Variants in CBLN2 observed in about 807,000 individuals in gnomAD.
CBLN2 encodes cerebellin-2.
A neutral mutation model predicts 15.0 loss-of-function variants in CBLN2; 7 were observed. That is an observed-to-expected ratio of 0.47 (90% CI 0.27 to 0.88). CBLN2 has a LOEUF of 0.88. Among genes scored for constraint, CBLN2 ranks in the 40% least tolerant of loss-of-function variants. The pLI is 0.14. For missense variants in CBLN2, 242 were observed against 304.5 expected (o/e 0.79, Z 1.53); for synonymous variants, 149 against 135.2 (o/e 1.10, Z -0.71).
intron 1 of CBLN2, chr18:72,618,582 T>G (rs62089075): frequency 0.14 from 126,326 of 881,010 alleles, 13,862 homozygotes; most frequent in African/African-American, 0.45. Context: ...CTGTGAAAAG[T>G]ATACGTGTTG....
chr18:72,564,615 A>G (rs543796679), intron 1 of CBLN2, among the ~76,000 whole-genome samples: 1 of 152,198 alleles, frequency 6.6e-6, no homozygotes, highest in East Asian at 1.9e-4. Context: ...GATACAAAAA[A>G]GAATGGAAGA....
chr18:72,588,919 G>A (rs1290749071), intron 1 of CBLN2, among the ~76,000 whole-genome samples: 1 of 152,140 alleles, frequency 6.6e-6, no homozygotes, highest in African/African-American at 2.4e-5. Context: ...CGCGGAGATG[G>A]GACTAACGCG....
At chr18:72,629,796 C>T (rs1303666391) in intron 1 of CBLN2, among the ~76,000 whole-genome samples, 1 of 151,980 alleles carries the variant, frequency 6.6e-6, no homozygotes, top group Non-Finnish European at 1.5e-5. Flanking sequence ...ACAGAAAAGA[C>T]AATGTAAAAA....
chr18:72,578,038 G>A (rs958993604), intron 1 of CBLN2, among the ~76,000 whole-genome samples: 4 of 152,140 alleles, frequency 2.6e-5, no homozygotes, highest in East Asian at 1.9e-4. Flanking sequence ...TCAGCTCTGC[G>A]TACTCTTTGC....
chr18:72,618,592 G>C (rs1228104531), intron 1 of CBLN2: 7 of 941,374 alleles, frequency 7.4e-6, no homozygotes, highest in Non-Finnish European at 1.2e-5. Flanking sequence ...TATACGTGTT[G>C]GTGGCATTAA....
intron 1 of CBLN2, among the ~76,000 whole-genome samples, chr18:72,623,615 C>G (rs2069715490): frequency 6.6e-6 from 1 of 152,102 alleles, no homozygotes; most frequent in Admixed American, 6.6e-5. Context: ...GAAACCTCAT[C>G]ACGCTGCAGA....
chr18:72,549,197 G>A (rs1802597579), upstream of CBLN2, among the ~76,000 whole-genome samples: 4 of 151,918 alleles, frequency 2.6e-5, no homozygotes, highest in South Asian at 8.3e-4. Context: ...TTTTTAGTAG[G>A]GAAGGGGTTT....
upstream of CBLN2, among the ~76,000 whole-genome samples, chr18:72,546,798 A>G (rs907642721): frequency 6.6e-6 from 1 of 152,184 alleles, no homozygotes; most frequent in African/African-American, 2.4e-5. Flanking sequence ...AATATTAGGG[A>G]AAAATGTGGG....
At chr18:72,628,872 T>G (rs1008966266) in intron 1 of CBLN2, among the ~76,000 whole-genome samples, 1 of 152,166 alleles carries the variant, frequency 6.6e-6, no homozygotes, top group Non-Finnish European at 1.5e-5. Context: ...TTGTGACAAG[T>G]TTTTACGGAT....
chr18:72,616,274 C>T (rs181185423), intron 1 of CBLN2, among the ~76,000 whole-genome samples: 1 of 152,212 alleles, frequency 6.6e-6, no homozygotes, highest in African/African-American at 2.4e-5. Context: ...CATGTTTCCT[C>T]CCTATATGTA....
upstream of CBLN2, among the ~76,000 whole-genome samples, chr18:72,545,770 G>C (rs1333587149): frequency 1.3e-5 from 2 of 152,188 alleles, no homozygotes; most frequent in Non-Finnish European, 2.9e-5. Context: ...CTAATTTATA[G>C]CAATACCTCT....
intron 1 of CBLN2, among the ~76,000 whole-genome samples, chr18:72,558,730 T>C (rs2069241658): frequency 1.3e-5 from 2 of 152,172 alleles, no homozygotes; most frequent in Non-Finnish European, 2.9e-5. Flanking sequence ...TTTATAAATA[T>C]TTTCTATTGT....
chr18:72,553,166 CTG>C (rs1170565388), intron 1 of CBLN2, among the ~76,000 whole-genome samples: 10 of 152,192 alleles, frequency 6.6e-5, no homozygotes, highest in Non-Finnish European at 1.2e-4. Flanking sequence ...AGGGGAGAAA[CTG>C]TCTTGTCTCT....
chr18:72,558,445 A>G (rs1568254902), intron 1 of CBLN2, among the ~76,000 whole-genome samples: 1 of 152,144 alleles, frequency 6.6e-6, no homozygotes, highest in Non-Finnish European at 1.5e-5. Flanking sequence ...TCCTTTCACT[A>G]TGAGTCTAAC....
chr18:72,571,597 T>C (rs1268031369), intron 1 of CBLN2, among the ~76,000 whole-genome samples: 2 of 152,190 alleles, frequency 1.3e-5, no homozygotes, highest in African/African-American at 4.8e-5. Context: ...AAGAACATGA[T>C]GAGATTTAAT....
At chr18:72,562,011 T>C (rs1310515354) in intron 1 of CBLN2, among the ~76,000 whole-genome samples, 1 of 152,198 alleles carries the variant, frequency 6.6e-6, no homozygotes, top group Middle Eastern at 3.2e-3. Context: ...CTGTGATAAT[T>C]GATTATAAAC....
intron 1 of CBLN2, among the ~76,000 whole-genome samples, chr18:72,576,587 C>T (rs956456724): frequency 1.3e-5 from 2 of 152,094 alleles, no homozygotes; most frequent in African/African-American, 4.8e-5. Flanking sequence ...TCATATACTG[C>T]TGTCAAGGGT....
intron 1 of CBLN2, among the ~76,000 whole-genome samples, chr18:72,585,040 C>A (rs1160278163): frequency 6.6e-6 from 1 of 152,182 alleles, no homozygotes; most frequent in Non-Finnish European, 1.5e-5. Flanking sequence ...CCAGGTATAC[C>A]ACAAGCAGCT....
intron 1 of CBLN2, among the ~76,000 whole-genome samples, chr18:72,550,134 A>G (rs1262926601): frequency 1.3e-5 from 2 of 152,214 alleles, no homozygotes; most frequent in Non-Finnish European, 2.9e-5. Flanking sequence ...TTAGGAAGTT[A>G]TAATTTGACT....
Sources: allele counts gnomAD v4.1 joint callset (sites outside exome capture counted in the v4.1 genomes callset), GRCh38; gene constraint gnomAD v4.1.1; transcripts MANE v1.5; gene names NCBI Gene and HGNC (gene_info 2026-07-23, HGNC 2026-07-21).